MME: variants seen among roughly 807,000 people sequenced by gnomAD.
MME encodes membrane metalloendopeptidase.
Under a neutral mutation model 113.2 loss-of-function variants are expected in MME, and 98 were observed. The observed-to-expected ratio is 0.87, with a 90% CI of 0.74 to 1.02. The LOEUF is 1.02. Ranked by LOEUF, MME falls within the 50% of genes least tolerant of loss-of-function variation. The pLI, the probability that MME is intolerant of heterozygous loss-of-function variation, is 0.00. For missense variants in MME, 836 were observed against 896.0 expected (o/e 0.93, Z 0.86); for synonymous variants, 292 against 300.6 (o/e 0.97, Z 0.30).
chr3:155,091,446 G>A (rs2108191230), intron 3 of MME, among the ~76,000 whole-genome samples: 1 of 152,298 alleles, frequency 6.6e-6, no homozygotes, highest in Non-Finnish European at 1.5e-5. Flanking sequence ...TAAAGGGAAA[G>A]ACAATTAGCA....
At chr3:155,029,393 G>T (rs1712894937) in intron 1 of MME, among the ~76,000 whole-genome samples, 3 of 151,358 alleles carry the variant, frequency 2.0e-5, no homozygotes, top group African/African-American at 7.3e-5. Context: ...TTATATCATA[G>T]TCCTTTAATT....
intron 1 of MME, among the ~76,000 whole-genome samples, chr3:155,060,706 C>G (rs192676071): frequency 6.6e-6 from 1 of 151,716 alleles, no homozygotes; most frequent in Non-Finnish European, 1.5e-5. Flanking sequence ...AAACGTGTTT[C>G]TCACAGTTCT....
intron 3 of MME, chr3:155,090,089 T>C (rs1003298846): frequency 4.6e-6 from 1 of 215,978 alleles, no homozygotes; most frequent in Non-Finnish European, 1.0e-5. Flanking sequence ...CAAGAGAAAG[T>C]GGGACCACCT....
At chr3:155,099,348 A>G (rs980128781) in intron 3 of MME, among the ~76,000 whole-genome samples, 9 of 152,182 alleles carry the variant, frequency 5.9e-5, no homozygotes, top group African/African-American at 2.2e-4. Flanking sequence ...TTCTTATCTT[A>G]AAACAATATG....
chr3:155,158,595 AATC>A (rs980304374), intron 16 of MME: 3 of 152,034 alleles, frequency 2.0e-5, no homozygotes, highest in African/African-American at 7.2e-5. Flanking sequence ...TATATTTCCT[AATC>A]ATGATTTTTG....
chr3:155,060,255 A>T (rs967922810), intron 1 of MME, among the ~76,000 whole-genome samples: 3 of 152,066 alleles, frequency 2.0e-5, no homozygotes, highest in Non-Finnish European at 4.4e-5. Context: ...GAAAGCTGAA[A>T]CCCCATTATT....
intron 22 of MME, among the ~76,000 whole-genome samples, chr3:155,178,471 T>TG (rs1383629328): frequency 6.6e-6 from 1 of 152,148 alleles, no homozygotes; most frequent in African/African-American, 2.4e-5. Context: ...CACTAAGTCG[T>TG]GTTTTTCTTC....
chr3:155,124,236 C>T (rs1719401581), intron 8 of MME, among the ~76,000 whole-genome samples: 1 of 151,902 alleles, frequency 6.6e-6, no homozygotes, highest in African/African-American at 2.4e-5. Flanking sequence ...CTGCATTCTT[C>T]ACGTAGTTCT....
At chr3:155,137,555 A>G (rs1333934259) in intron 8 of MME, among the ~76,000 whole-genome samples, 1 of 151,884 alleles carries the variant, frequency 6.6e-6, no homozygotes, top group Non-Finnish European at 1.5e-5. Flanking sequence ...AAATACAAAA[A>G]ATTAGCTGGG....
At chr3:155,085,304 C>A (rs1162202875) in intron 3 of MME, 1 of 439,618 alleles carries the variant, frequency 2.3e-6, no homozygotes. Flanking sequence ...TATTTTCAGC[C>A]CTGGGCTGTA....
intron 1 of MME, among the ~76,000 whole-genome samples, chr3:155,028,408 G>A (rs574480065): frequency 1.3e-5 from 2 of 152,346 alleles, no homozygotes; most frequent in South Asian, 4.1e-4. Context: ...AGGACAGTTA[G>A]GGTAAAGCCT....
At chr3:155,024,315 G>A (rs541108435) in exon 1 of MME, 30 of 152,266 alleles carry the variant, frequency 2.0e-4, no homozygotes, top group Admixed American at 9.8e-4. Context: ...CACTACACAC[G>A]CTCTTGGCTG....
At chr3:155,084,087 C>A in intron 1 of MME, 71 bp from the exon 2 acceptor site, 1 of 1,283,438 alleles carries the variant, frequency 7.8e-7, no homozygotes, top group Non-Finnish European at 1.1e-6. Flanking sequence ...TTTATCCAGC[C>A]ACATTAAGCA....
chr3:155,139,402 C>T (rs904569382), intron 9 of MME, among the ~76,000 whole-genome samples: 7 of 152,132 alleles, frequency 4.6e-5, no homozygotes, highest in Non-Finnish European at 7.4e-5. Context: ...GCACAAAGGA[C>T]ATGCTCAATA....
intron 3 of MME, among the ~76,000 whole-genome samples, chr3:155,100,038 A>G (rs1717070628): frequency 6.6e-6 from 1 of 152,232 alleles, no homozygotes; most frequent in South Asian, 2.1e-4. Context: ...CACAAAAGCC[A>G]AAATTGACAA....
chr3:155,139,674 T>C (rs1345940256), intron 9 of MME, among the ~76,000 whole-genome samples: 4 of 152,228 alleles, frequency 2.6e-5, no homozygotes, highest in Non-Finnish European at 1.5e-5. Context: ...CATTCTCAGA[T>C]AACTTGCAAC....
intron 1 of MME, among the ~76,000 whole-genome samples, chr3:155,045,661 A>G (rs1241273988): frequency 6.6e-6 from 1 of 150,770 alleles, no homozygotes; most frequent in African/African-American, 2.4e-5. Flanking sequence ...ACTACCTGAG[A>G]GTGTCAATTT....
chr3:155,112,923 T>A (rs931865098), intron 3 of MME: 1 of 152,194 alleles, frequency 6.6e-6, no homozygotes, highest in African/African-American at 2.4e-5. Flanking sequence ...ACAGAGTAGG[T>A]ATTTACAATG....
intron 1 of MME, among the ~76,000 whole-genome samples, chr3:155,045,906 C>G (rs576662219): frequency 2.0e-5 from 3 of 152,084 alleles, no homozygotes; most frequent in Non-Finnish European, 4.4e-5. Context: ...TTAGATTTAT[C>G]TGTTCATTAT....
Sources: allele counts gnomAD v4.1 joint callset (sites outside exome capture counted in the v4.1 genomes callset), GRCh38; gene constraint gnomAD v4.1.1; transcripts MANE v1.5; gene names NCBI Gene and HGNC (gene_info 2026-07-23, HGNC 2026-07-21).